The following PTK2 variants were observed in gnomAD, a reference collection of about 807,000 sequenced individuals.
PTK2 encodes the protein protein tyrosine kinase 2.
Under a neutral mutation model 150.1 loss-of-function variants are expected in PTK2, and 45 were observed. The ratio of observed to expected loss-of-function variants is 0.30; its 90% CI spans 0.24 to 0.38. The LOEUF is 0.38. Ranked by LOEUF, PTK2 falls within the 10% of genes least tolerant of loss-of-function variation. The pLI, the probability that PTK2 is intolerant of heterozygous loss-of-function variation, is 1.00. For missense variants in PTK2, 919 were observed against 1,307.3 expected, an observed-to-expected ratio of 0.70 and a Z score of 4.58; for synonymous variants, 432 against 449.2, an observed-to-expected ratio of 0.96 and a Z score of 0.48.
At chr8:140,940,535 G>A (rs2100175320) in intron 1 of PTK2, 2 of 152,184 alleles carry the variant, frequency 1.3e-5, no homozygotes, top group Admixed American at 6.5e-5. Context: ...TGCTATAAGG[G>A]ACATCACTTG....
chr8:140,711,038 A>G (rs1303365711), intron 23 of PTK2, among the ~76,000 whole-genome samples: 2 of 152,292 alleles, frequency 1.3e-5, no homozygotes, highest in Middle Eastern at 3.4e-3. Context: ...CCCGAGTTTG[A>G]GTGATTCTCA....
intron 24 of PTK2, among the ~76,000 whole-genome samples, chr8:140,703,681 C>T (rs148542941): frequency 7.9e-5 from 12 of 152,302 alleles, no homozygotes; most frequent in Middle Eastern, 3.4e-3. Context: ...TAGGGTAAGT[C>T]GTACCTTTAA....
At chr8:140,958,375 A>C (rs908505517) in intron 1 of PTK2, among the ~76,000 whole-genome samples, 1 of 151,884 alleles carries the variant, frequency 6.6e-6, no homozygotes, top group Admixed American at 6.6e-5. Context: ...GAACTCCTAG[A>C]CTCAAGCAAT....
At position 140,702,725 on chromosome 8, in the gene PTK2, G is replaced by C; in HGVS notation, c.2230-18C>G. 6.2e-7 allele frequency: 1 copy of C among 1,611,840 alleles called. No individual in the cohort carries two copies. On this transcript the variant is annotated intron_variant, in intron 24 of 31. Transcript: ENST00000522684. ...CCAGAAACCTGTGAATGAGTAAGGA[G>C]GCAAGGTAATGTTCAACTATAACAT...
chr8:140,956,804 C>T (rs535702183), intron 1 of PTK2, among the ~76,000 whole-genome samples: 1 of 152,212 alleles, frequency 6.6e-6, no homozygotes, highest in Non-Finnish European at 1.5e-5. Context: ...GTGGCTCACA[C>T]CTGTAATCCC....
At chr8:140,751,867 C>A (rs1437409957) in intron 17 of PTK2, 3 of 519,020 alleles carry the variant, frequency 5.8e-6, no homozygotes, top group Non-Finnish European at 1.1e-5. Context: ...AGTCTATGAG[C>A]TCCATCAGGG....
At chr8:140,700,766 G>A (rs2100029764) in intron 26 of PTK2, 125 bp downstream of exon 29, 4 of 1,328,206 alleles carry the variant, frequency 3.0e-6, no homozygotes, top group African/African-American at 3.0e-5. Flanking sequence ...CCTATTCCAA[G>A]TTTTAAGAAG....
intron 22 of PTK2, among the ~76,000 whole-genome samples, chr8:140,729,496 C>T (rs1219982153): frequency 6.6e-6 from 1 of 152,126 alleles, no homozygotes; most frequent in Non-Finnish European, 1.5e-5. Flanking sequence ...CAAGTAAAAC[C>T]AGTAAGAAAA....
intron 2 of PTK2, among the ~76,000 whole-genome samples, chr8:140,896,573 T>C (rs2154607564): frequency 6.6e-6 from 1 of 152,316 alleles, no homozygotes; most frequent in African/African-American, 2.4e-5. Context: ...TTACCAACCA[T>C]TCATGATAAA....
intron 1 of PTK2, among the ~76,000 whole-genome samples, chr8:140,996,501 C>G (rs1320844769): frequency 6.6e-6 from 1 of 152,200 alleles, no homozygotes; most frequent in Non-Finnish European, 1.5e-5. Flanking sequence ...AAGCCAATGC[C>G]TGGCTTTAAA....
intron 27 of PTK2, among the ~76,000 whole-genome samples, chr8:140,680,673 C>A (rs540903538): frequency 6.6e-6 from 1 of 152,240 alleles, no homozygotes; most frequent in Admixed American, 6.5e-5. Flanking sequence ...TATTTTCACA[C>A]CGATTCTCAC....
At chr8:140,971,839 A>G (rs1341394860) in intron 1 of PTK2, among the ~76,000 whole-genome samples, 1 of 152,258 alleles carries the variant, frequency 6.6e-6, no homozygotes, top group Non-Finnish European at 1.5e-5. Context: ...CGATGCAAGT[A>G]CAAAGAAAAT....
chr8:140,781,890 G>A (rs2100081904), intron 14 of PTK2, among the ~76,000 whole-genome samples: 1 of 152,210 alleles, frequency 6.6e-6, no homozygotes, highest in South Asian at 2.1e-4. Flanking sequence ...GATCTCAACA[G>A]TGGCAAAGGG....
At chr8:140,966,235 C>T (rs1053473704) in intron 1 of PTK2, among the ~76,000 whole-genome samples, 12 of 152,072 alleles carry the variant, frequency 7.9e-5, no homozygotes, top group African/African-American at 1.9e-4. Context: ...GCATCTAGAG[C>T]GCATGATTAT....
chr8:140,981,695 A>G (rs939937205), intron 1 of PTK2, among the ~76,000 whole-genome samples: 2 of 152,246 alleles, frequency 1.3e-5, no homozygotes, highest in Non-Finnish European at 2.9e-5. Context: ...AAGTTTTACT[A>G]GACACAGCCA....
rs933020300 is a variant in PTK2 at position 140,864,251 on chromosome 8, T to C, written c.450+61A>G. The C allele has an allele frequency of 1.3e-5, 13 of 967,792 alleles. No individual in the cohort carries two copies. The African/African-American group carries it at 1.5e-4, about 11-fold the overall frequency. 60.0% of individuals were successfully genotyped at this position (967,792 alleles called of 1,614,324 possible). A position where few individuals can be genotyped will look rare whatever the true frequency, so the allele number is the denominator to read the frequency against. ...CTTTAATCAAATTTGAAAATAAAAA[T>C]ATGCAATAAATAGGATTCAAAGAAA... is the stretch of plus-strand genomic sequence containing the variant. On this transcript the variant is annotated intron_variant, in intron 5 of 31. Coordinates refer to ENST00000522684, the Ensembl canonical transcript of PTK2.
rs575703017 is a variant in PTK2, at chr8:140,861,676, A to C, written c.450+2636T>G. Among the ~76,000 whole-genome samples the C allele has an allele frequency of 3.3e-5, 5 of 152,368 alleles. No homozygotes were observed. In the East Asian group the frequency reaches 9.6e-4, roughly 29 times the overall value. On this transcript the variant is annotated intron_variant, in intron 5 of 31. Transcript: ENST00000522684. ...TTTTATCTCATATAATGAACTTAAC[A>C]GTCCTATACAATAGTTATTCCATAT...
intron 1 of PTK2, among the ~76,000 whole-genome samples, chr8:140,976,421 G>A (rs1234638656): frequency 3.3e-5 from 5 of 152,118 alleles, no homozygotes; most frequent in Non-Finnish European, 7.4e-5. Flanking sequence ...ATAAACACTA[G>A]GCTAAAAGGT....
chr8:140,746,947 G>C, intron 17 of PTK2, 87 bp from the exon 21 acceptor site: 2 of 889,952 alleles, frequency 2.2e-6, no homozygotes, highest in Non-Finnish European at 3.4e-6. Flanking sequence ...CTGGAGTGCA[G>C]TGGTACAATC....
Sources: gnomAD v4.1 joint callset for allele counts (sites outside exome capture counted in the v4.1 genomes callset) on GRCh38, gnomAD v4.1.1 for gene constraint, MANE v1.5 for transcripts, NCBI Gene and HGNC (gene_info 2026-07-23, HGNC 2026-07-21) for gene names.